The following ADAMTSL1 variants were observed in gnomAD, a reference collection of about 807,000 sequenced individuals.
ADAMTSL1 encodes ADAMTS like 1.
ADAMTSL1 carries 126 observed loss-of-function variants against 201.8 expected under a neutral mutation model. The observed-to-expected ratio is 0.62, with a 90% CI of 0.54 to 0.72. ADAMTSL1 has a LOEUF of 0.72. Ranked by LOEUF, ADAMTSL1 falls within the 30% of genes least tolerant of loss-of-function variation. ADAMTSL1 has a pLI of 0.00. For missense variants in ADAMTSL1, 2,679 were observed against 2,277.8 expected (o/e 1.18, Z -3.59); for synonymous variants, 1,121 against 903.4 (o/e 1.24, Z -4.32).
At position 18,479,386 on chromosome 9, in the gene ADAMTSL1, T is replaced by G. The variant is rs377341626; in HGVS notation, c.63+5091T>G. Among the ~76,000 whole-genome samples the G allele has an allele frequency of 1.4e-4, 21 of 152,326 alleles. No homozygotes were observed. The East Asian group carries it at 3.1e-3, about 22-fold the overall frequency. ...AAATCCATTAAAAAGTTTTGCTGTA[T>G]CCACAAGCATTCTTTATTTTGATTA... is the stretch of plus-strand genomic sequence containing the variant. On this transcript the variant is annotated intron_variant, in intron 1 of 28. Transcript: ENST00000380548.
At chr9:18,426,143 T>C (rs1819210479) in intron 2 of ADAMTSL1, among the ~76,000 whole-genome samples, 1 of 151,910 alleles carries the variant, frequency 6.6e-6, no homozygotes, top group African/African-American at 2.4e-5. Flanking sequence ...ATAGATCAGA[T>C]AAGGCAGCCT....
At chr9:18,835,488 T>G (rs1825258017) in intron 23 of ADAMTSL1, among the ~76,000 whole-genome samples, 1 of 152,130 alleles carries the variant, frequency 6.6e-6, no homozygotes, top group South Asian at 2.1e-4. Flanking sequence ...CAACTTACCC[T>G]TTTCTTAATT....
At chr9:18,254,629 C>G (rs1247546356) in intron 2 of ADAMTSL1, among the ~76,000 whole-genome samples, 1 of 151,710 alleles carries the variant, frequency 6.6e-6, no homozygotes, top group East Asian at 2.0e-4. Flanking sequence ...TCCCAAAGTG[C>G]TGGGATTACA....
At chr9:18,194,061 C>G (rs562733548) in intron 2 of ADAMTSL1, among the ~76,000 whole-genome samples, 31 of 151,854 alleles carry the variant, frequency 2.0e-4, no homozygotes, top group African/African-American at 7.5e-4. Context: ...GATAAACCTA[C>G]TGAAGAGGAC....
chr9:18,034,505 A>C (rs1821110541), intron 1 of ADAMTSL1, among the ~76,000 whole-genome samples: 1 of 151,972 alleles, frequency 6.6e-6, no homozygotes, highest in South Asian at 2.1e-4. Flanking sequence ...AGAAACATAA[A>C]CTCATCATTT....
intron 23 of ADAMTSL1, among the ~76,000 whole-genome samples, chr9:18,871,701 T>A (rs1457215392): frequency 3.9e-5 from 6 of 152,180 alleles, no homozygotes. Context: ...CTGTTCATGG[T>A]CTCACTCGTG....
At chr9:18,458,901 A>G (rs1820707057) in intron 2 of ADAMTSL1, among the ~76,000 whole-genome samples, 1 of 152,244 alleles carries the variant, frequency 6.6e-6, no homozygotes, top group Admixed American at 6.5e-5. Flanking sequence ...TGAGGAGTTC[A>G]GAGCAAAAGT....
At chr9:18,807,803 T>A (rs1823259237) in intron 20 of ADAMTSL1, among the ~76,000 whole-genome samples, 1 of 152,202 alleles carries the variant, frequency 6.6e-6, no homozygotes, top group Non-Finnish European at 1.5e-5. Flanking sequence ...GCCATGGCTT[T>A]TGTTATCTTA....
At chr9:18,073,352 C>T (rs983387697) in intron 1 of ADAMTSL1, among the ~76,000 whole-genome samples, 3 of 152,188 alleles carry the variant, frequency 2.0e-5, no homozygotes, top group Non-Finnish European at 4.4e-5. Flanking sequence ...GTGCTTTCTA[C>T]TTGATCGCAT....
At chr9:18,821,175 G>A (rs2131208297) in intron 21 of ADAMTSL1, among the ~76,000 whole-genome samples, 1 of 152,310 alleles carries the variant, frequency 6.6e-6, no homozygotes, top group Middle Eastern at 3.4e-3. Flanking sequence ...GTGATGGGTG[G>A]TGTATTAGGA....
At chr9:18,524,174 A>T (rs748815908) in intron 2 of ADAMTSL1, among the ~76,000 whole-genome samples, 7 of 152,080 alleles carry the variant, frequency 4.6e-5, no homozygotes, top group Non-Finnish European at 8.8e-5. Context: ...TGTAAGTTGG[A>T]TTCCTAGGTA....
rs150224794 is a variant in ADAMTSL1 at position 17,940,579 on chromosome 9, T to C, written c.87+33657T>C. Among the ~76,000 whole-genome samples, 428 of 152,084 alleles carry C rather than the reference T, an allele frequency of 2.8e-3. 7 individuals carry two copies. The highest frequency in any genetic ancestry group is 9.5e-3 in the African/African-American group (395 of 41,494). Reference sequence around the variant, plus strand: ...TGGAATTGGCTAGGAGGCATCCAAGTAAAGCTGCCTGGAAGGCATTTGGAA... The same window carrying C: ...TGGAATTGGCTAGGAGGCATCCAAGCAAAGCTGCCTGGAAGGCATTTGGAA... On this transcript the variant is annotated intron_variant, in intron 1 of 29. Transcript: ENST00000680146.
intron 6 of ADAMTSL1, among the ~76,000 whole-genome samples, chr9:18,637,591 C>T (rs561427963): frequency 4.6e-5 from 7 of 152,248 alleles, no homozygotes; most frequent in Admixed American, 3.3e-4. Flanking sequence ...GAAAAGCAAA[C>T]TGGAACCTGC....
chr9:18,013,395 C>T (rs572161006), intron 1 of ADAMTSL1, among the ~76,000 whole-genome samples: 55 of 151,996 alleles, frequency 3.6e-4, no homozygotes, highest in Non-Finnish European at 5.9e-4. Context: ...TGATCATGGT[C>T]GAGAGTTCTG....
intron 2 of ADAMTSL1, among the ~76,000 whole-genome samples, chr9:18,328,254 G>C (rs1008190347): frequency 5.3e-5 from 8 of 152,124 alleles, no homozygotes; most frequent in African/African-American, 1.9e-4. Flanking sequence ...CGAATATAAT[G>C]ACCCGCAGTT....
At chr9:18,314,452 T>C (rs932768355) in intron 2 of ADAMTSL1, among the ~76,000 whole-genome samples, 1 of 151,738 alleles carries the variant, frequency 6.6e-6, no homozygotes, top group Non-Finnish European at 1.5e-5. Flanking sequence ...ACTTCAGGAG[T>C]GATGCTGCAT....
At chr9:18,328,320 G>A (rs559414823) in intron 2 of ADAMTSL1, among the ~76,000 whole-genome samples, 3 of 152,154 alleles carry the variant, frequency 2.0e-5, no homozygotes, top group Non-Finnish European at 4.4e-5. Context: ...TTAACACAAT[G>A]CATTATAATC....
intron 16 of ADAMTSL1, among the ~76,000 whole-genome samples, chr9:18,763,378 C>A (rs1280514596): frequency 6.6e-6 from 1 of 152,072 alleles, no homozygotes; most frequent in East Asian, 1.9e-4. Context: ...GTTGTTTGAG[C>A]TCCTTATATA....
chr9:17,973,063 A>ACAATGAGT (rs1270463088), intron 1 of ADAMTSL1, among the ~76,000 whole-genome samples: 1 of 97,474 alleles, frequency 1.0e-5, no homozygotes, highest in Non-Finnish European at 2.2e-5. Flanking sequence ...TCTGGATATT[A>ACAATGAGT]ACCCTTTGTC....
Sources: gnomAD v4.1 joint callset for allele counts (sites outside exome capture counted in the v4.1 genomes callset) on GRCh38, gnomAD v4.1.1 for gene constraint, MANE v1.5 for transcripts, NCBI Gene and HGNC (gene_info 2026-07-23, HGNC 2026-07-21) for gene names.